The following DNAH6 variants were observed in gnomAD, a reference collection of about 807,000 sequenced individuals.
DNAH6 encodes axonemal beta dynein heavy chain 6.
DNAH6 carries 340 observed loss-of-function variants against 491.4 expected under a neutral mutation model. That is an observed-to-expected ratio of 0.69 (90% CI 0.63 to 0.76). The LOEUF is 0.76. DNAH6 is among the 30% of genes least tolerant of loss of function. The pLI, the probability that DNAH6 is intolerant of heterozygous loss-of-function variation, is 0.00. For synonymous variants in DNAH6, 1,603 were observed against 1,686.1 expected, an observed-to-expected ratio of 0.95 and a Z score of 1.21; for missense variants, 4,443 against 4,972.2, an observed-to-expected ratio of 0.89 and a Z score of 3.20.
At chr2:84,610,874 G>A (rs989891991) in intron 21 of DNAH6, among the ~76,000 whole-genome samples, 5 of 152,126 alleles carry the variant, frequency 3.3e-5, no homozygotes, top group African/African-American at 7.2e-5. Context: ...AAGTCAAGGG[G>A]GACGTTTTCA....
intron 22 of DNAH6, among the ~76,000 whole-genome samples, chr2:84,612,529 G>C (rs779562432): frequency 6.6e-6 from 1 of 152,084 alleles, no homozygotes; most frequent in East Asian, 1.9e-4. Context: ...TGCACTCTTT[G>C]CCCAAAAACT....
At chr2:84,791,772 T>C (rs941665298) in intron 68 of DNAH6, among the ~76,000 whole-genome samples, 6 of 152,000 alleles carry the variant, frequency 3.9e-5, no homozygotes, top group South Asian at 2.1e-4. Context: ...TTAAAAAAGA[T>C]AGGAGTAAAA....
the DNAH6 span, among the ~76,000 whole-genome samples, chr2:84,499,587 T>A: frequency 6.6e-6 from 1 of 152,210 alleles, no homozygotes; most frequent in Non-Finnish European, 1.5e-5. Flanking sequence ...ATATGTTAGC[T>A]CAATTTTTAG....
the DNAH6 span, among the ~76,000 whole-genome samples, chr2:84,476,779 C>A: frequency 6.6e-6 from 1 of 152,250 alleles, no homozygotes; most frequent in Non-Finnish European, 1.5e-5. Context: ...CTTTACTGCA[C>A]TACAGAGTGT....
At position 84,706,878 on chromosome 2, in the gene DNAH6, G is replaced by A. The variant is rs1432616521; in HGVS notation, c.8728-18G>A. ...CTTTTTTTGGCCCTGTTCTTAAACAGTTGCTTGATTTTATTAGGCTGAACT... is the reference window on the plus strand; with the variant it reads ...CTTTTTTTGGCCCTGTTCTTAAACAATTGCTTGATTTTATTAGGCTGAACT... On this transcript the variant is annotated intron_variant, in intron 52 of 76. Transcript: ENST00000389394. 2 of 1,531,160 alleles carry A rather than the reference G, an allele frequency of 1.3e-6. No homozygotes were observed. Among genetic ancestry groups the A allele is most frequent in the Non-Finnish European group, 1.8e-6 (2 of 1,142,598 alleles). 94.8% of individuals were successfully genotyped at this position (1,531,160 alleles called of 1,614,324 possible).
intron 63 of DNAH6, among the ~76,000 whole-genome samples, chr2:84,752,198 G>GT (rs1193720188): frequency 6.6e-6 from 1 of 152,128 alleles, no homozygotes; most frequent in African/African-American, 2.4e-5. Context: ...TCCCAATTTG[G>GT]TAAAACCCAG....
Position 84,810,305 on chromosome 2 carries a change from A to G in DNAH6, c.11739+1763A>G, listed in dbSNP as rs577578387. 2.0e-5 allele frequency among the ~76,000 whole-genome samples: 3 copies of G among 152,310 alleles called. No individual in the cohort carries two copies. The East Asian group carries it at 5.8e-4, about 29-fold the overall frequency. Reference sequence around the variant, plus strand: ...GTCATCTTTGTTTCCTTAGTAACTGACATACTAAATCTTCCGTGAATATTT... The same window carrying G: ...GTCATCTTTGTTTCCTTAGTAACTGGCATACTAAATCTTCCGTGAATATTT... On this transcript the variant is annotated intron_variant, in intron 72 of 76. Coordinates refer to ENST00000389394, the MANE Select transcript of DNAH6 (RefSeq NM_001370.2).
At chr2:84,673,655 G>A (rs997709715) in intron 40 of DNAH6, among the ~76,000 whole-genome samples, 2 of 152,252 alleles carry the variant, frequency 1.3e-5, no homozygotes, top group African/African-American at 4.8e-5. Flanking sequence ...CAAAACTGGA[G>A]AACTTGGAGT....
chr2:84,799,792 G>A (rs189960706), intron 70 of DNAH6, among the ~76,000 whole-genome samples: 1 of 152,226 alleles, frequency 6.6e-6, no homozygotes, highest in South Asian at 2.1e-4. Flanking sequence ...CACTAAAAGA[G>A]ACACCACCAA....
intron 64 of DNAH6, chr2:84,777,934 G>A (rs1573780725): frequency 1.9e-6 from 2 of 1,050,656 alleles, no homozygotes; most frequent in East Asian, 4.7e-5. Flanking sequence ...AATTAAGACG[G>A]CTTTCTCCCT....
Position 84,604,385 on chromosome 2 carries a change from A to T in DNAH6, c.2915A>T (p.His972Leu), listed in dbSNP as rs1483802131. ...DLRNPTLKAR[H>L]WAAIEQTVDA... ...AGGAACCCGACTTTGAAGGCAAGAC[A>T]TTGGGCAGCTATTGAACAAACAGTT... is the stretch of plus-strand genomic sequence containing the variant. Residue 972 changes from histidine (H) to leucine (L), a missense_variant, in exon 19 of 77, where the codon CAT (histidine) becomes CTT (leucine). By Grantham distance (99) the His-to-Leu change is moderately conservative. Around this residue, in one of 3 missense-constraint regions of DNAH6, gnomAD observed 2,977 missense variants for 3,296.6 expected, o/e 0.90. Transcript: ENST00000389394. The T allele has an allele frequency of 1.9e-5, 29 of 1,552,134 alleles. No individual in the cohort carries two copies. The highest frequency in any genetic ancestry group is 2.4e-5 in the Non-Finnish European group (28 of 1,147,088).
At chr2:84,490,300 T>G in the DNAH6 span, among the ~76,000 whole-genome samples, 2 of 152,132 alleles carry the variant, frequency 1.3e-5, no homozygotes, top group African/African-American at 4.8e-5. Context: ...TTTCTTTTCT[T>G]TTCCACTTTT....
In DNAH6 at chr2:84,535,803, T is replaced by C. The variant is rs149420729; in HGVS notation, c.662+6637T>C. 8.4e-4 allele frequency among the ~76,000 whole-genome samples: 128 copies of C among 152,046 alleles called. 2 individuals carry two copies. Among genetic ancestry groups the C allele is most frequent in the African/African-American group, 2.9e-3 (122 of 41,548 alleles). On this transcript the variant is annotated intron_variant, in intron 4 of 76. Coordinates refer to ENST00000389394, the MANE Select transcript of DNAH6 (RefSeq NM_001370.2). ...ATATTTAATTGCATATTGATGAATC[T>C]GTAGACATTAGTAACTGCTAGACAA...
intron 4 of DNAH6, among the ~76,000 whole-genome samples, chr2:84,534,269 A>T (rs7597218): frequency 0.44 from 67,108 of 151,082 alleles, 15,232 homozygotes; most frequent in South Asian, 0.49. Flanking sequence ...CTTATTTTTT[A>T]AAAAAAAACA....
chr2:84,808,622 C>A, intron 72 of DNAH6, 80 bp downstream of exon 72: 1 of 1,415,262 alleles, frequency 7.1e-7, no homozygotes, highest in Non-Finnish European at 9.7e-7. Context: ...TCTTCCATTC[C>A]CATCACTTCA....
intron 62 of DNAH6, among the ~76,000 whole-genome samples, chr2:84,734,660 T>A (rs1303879134): frequency 6.6e-6 from 1 of 152,208 alleles, no homozygotes; most frequent in Non-Finnish European, 1.5e-5. Context: ...GGTATTTACC[T>A]TACTAATGTT....
At chr2:84,635,812 G>T (rs1688827496) in intron 30 of DNAH6, among the ~76,000 whole-genome samples, 1 of 152,186 alleles carries the variant, frequency 6.6e-6, no homozygotes, top group Admixed American at 6.5e-5. Context: ...CCATTCAGCA[G>T]CAGCAGAAAT....
intron 29 of DNAH6, among the ~76,000 whole-genome samples, chr2:84,630,190 A>T (rs1414632055): frequency 3.9e-5 from 6 of 152,186 alleles, no homozygotes; most frequent in Non-Finnish European, 8.8e-5. Flanking sequence ...AGAAGGGATG[A>T]TAACATTAGA....
At chr2:84,478,340 T>C in the DNAH6 span, among the ~76,000 whole-genome samples, 1 of 152,206 alleles carries the variant, frequency 6.6e-6, no homozygotes, top group African/African-American at 2.4e-5. Context: ...AGAGGCAGAT[T>C]CTTTCCTTCT....
Sources: gnomAD v4.1 joint callset for allele counts (sites outside exome capture counted in the v4.1 genomes callset) on GRCh38, gnomAD v4.1.1 for gene constraint, gnomAD v4.1.1 regional missense constraint, MANE v1.5 for transcripts, NCBI Gene and HGNC (gene_info 2026-07-23, HGNC 2026-07-21) for gene names.